The following MTIF3 variants were observed in gnomAD, a reference collection of about 807,000 sequenced individuals.
The protein encoded by MTIF3 is mitochondrial translational initiation factor 3.
MTIF3 carries 13 observed loss-of-function variants against 20.7 expected under a neutral mutation model. The observed-to-expected ratio is 0.63, with a 90% confidence interval of 0.41 to 1.00. The LOEUF is 1.00. Ranked by LOEUF, MTIF3 falls within the 50% of genes least tolerant of loss-of-function variation. The pLI is 0.00. For synonymous variants in MTIF3, 114 were observed against 112.5 expected (o/e 1.01, Z -0.08); for missense variants, 295 against 324.5 (o/e 0.91, Z 0.70).
intron 1 of MTIF3, among the ~76,000 whole-genome samples, chr13:27,448,478 T>C (rs1337585878): frequency 1.3e-5 from 2 of 152,170 alleles, no homozygotes; most frequent in East Asian, 1.9e-4. Flanking sequence ...GCAGCCTTAA[T>C]CCCAGAGGGC....
chr13:27,436,577 CAA>C (rs1169734539), intron 4 of MTIF3, among the ~76,000 whole-genome samples: 1 of 151,928 alleles, frequency 6.6e-6, no homozygotes, highest in South Asian at 2.1e-4. Flanking sequence ...ATTTATAAAA[CAA>C]TAGTATATTG....
At chr13:27,436,807 A>G (rs552699790) in intron 4 of MTIF3, among the ~76,000 whole-genome samples, 120 of 126,700 alleles carry the variant, frequency 9.5e-4, no homozygotes, top group African/African-American at 3.1e-3. Flanking sequence ...GCTGGAGTGC[A>G]GTGGCGCGAT....
chr13:27,450,137 C>G (rs1274322285), intron 1 of MTIF3: 1 of 152,286 alleles, frequency 6.6e-6, no homozygotes, highest in Non-Finnish European at 1.5e-5. Context: ...GGCGGCGACG[C>G]CCACCTGCAG....
intron 1 of MTIF3, among the ~76,000 whole-genome samples, chr13:27,449,356 C>A (rs1954279527): frequency 6.6e-6 from 1 of 152,234 alleles, no homozygotes; most frequent in Non-Finnish European, 1.5e-5. Context: ...TCCCACTGCA[C>A]TGCGGTCACT....
chr13:27,444,455 A>C (rs1954108746), intron 2 of MTIF3, among the ~76,000 whole-genome samples: 1 of 152,268 alleles, frequency 6.6e-6, no homozygotes, highest in Admixed American at 6.5e-5. Flanking sequence ...TACTAACTCA[A>C]TACTGGCTTT....
At chr13:27,438,332 A>AAG (rs1469075045) in intron 3 of MTIF3, among the ~76,000 whole-genome samples, 1 of 150,214 alleles carries the variant, frequency 6.7e-6, no homozygotes, top group African/African-American at 2.4e-5. Flanking sequence ...AAAAAAAAAA[A>AAG]AAAAAAAAAA....
At chr13:27,444,291 C>G (rs1490935876) in intron 2 of MTIF3, among the ~76,000 whole-genome samples, 4 of 150,652 alleles carry the variant, frequency 2.7e-5, no homozygotes, top group African/African-American at 7.3e-5. Context: ...GGCGACAGAG[C>G]GAGACTCTGT....
At position 27,437,171 on chromosome 13, in the gene MTIF3, A is replaced by C. The variant is rs1478508624; in HGVS notation, c.563T>G (p.Leu188Arg). 2.1e-5 allele frequency: 34 copies of C among 1,613,932 alleles called. No homozygotes were observed. Among genetic ancestry groups the C allele is most frequent in the Non-Finnish European group, 2.8e-5 (33 of 1,179,944 alleles). ...QIQQWIKKKH[L>R]VQITIKKGKN... Reference sequence around the variant, plus strand: ...TCCTTTCTTTATGGTAATCTGGACTAGGTGTTTTTTCTTAATCCACTGCTG... The same window carrying C: ...TCCTTTCTTTATGGTAATCTGGACTCGGTGTTTTTTCTTAATCCACTGCTG... Residue 188 changes from leucine to arginine, a missense_variant, in exon 4 of 5, where the codon CTA (leucine) becomes CGA (arginine). Transcript: ENST00000381120.
At chr13:27,446,016 G>A (rs959225755) in intron 1 of MTIF3, among the ~76,000 whole-genome samples, 8 of 151,968 alleles carry the variant, frequency 5.3e-5, no homozygotes, top group African/African-American at 1.9e-4. Flanking sequence ...TCTGAATAGG[G>A]ACTAGGTATT....
intron 1 of MTIF3, among the ~76,000 whole-genome samples, chr13:27,448,945 G>A (rs1954264775): frequency 6.6e-6 from 1 of 152,194 alleles, no homozygotes; most frequent in Admixed American, 6.5e-5. Context: ...GGAGGCTGAG[G>A]CAGGAGAATC....
chr13:27,440,302 T>C lies in MTIF3; in HGVS notation c.147A>G (p.Leu49=). 1 of 1,614,176 alleles carries C rather than the reference T, an allele frequency of 6.2e-7. No homozygotes were observed. Among genetic ancestry groups the C allele is most frequent in the South Asian group, 1.1e-5 (1 of 91,080 alleles). The part of the protein sequence containing the change: ...PIASAPRLSF[L]IHAKAFSTAE... ...CGGTACTAAAGGCTTTTGCATGAATTAGGAAGGAGAGTCTTGGGGCAGAAG... is the reference window on the plus strand; with the variant it reads ...CGGTACTAAAGGCTTTTGCATGAATCAGGAAGGAGAGTCTTGGGGCAGAAG... The change falls in exon 3 of 5, where the codon CTA becomes CTG. Residue 49 remains leucine, a synonymous_variant. Transcript: ENST00000381120.
At position 27,440,198 on chromosome 13, in the gene MTIF3, T is replaced by G. The variant is rs1953952755; in HGVS notation, c.251A>C (p.Gln84Pro). The G allele has an allele frequency of 2.5e-6, 4 of 1,614,120 alleles. No individual in the cohort carries two copies. Among genetic ancestry groups the G allele is most frequent in the Non-Finnish European group, 2.5e-6 (3 of 1,180,044 alleles). ...CTCATCAAATAAGTGAATAACTCGC[T>G]GACTAATTTTTCTTCCAACGTTACT... ...AFSNVGRKIS[Q>P]RVIHLFDEKG... The change falls in exon 3 of 5, where the codon CAG (glutamine) becomes CCG (proline). Residue 84 changes from glutamine (Q) to proline (P), a missense_variant. By Grantham distance (76) the Gln-to-Pro change is moderately conservative (BLOSUM62 -1). Transcript: ENST00000381120.
At chr13:27,446,601 A>ATTC (rs1954188117) in intron 1 of MTIF3, among the ~76,000 whole-genome samples, 1 of 152,260 alleles carries the variant, frequency 6.6e-6, no homozygotes, top group Non-Finnish European at 1.5e-5. Flanking sequence ...CAATGTAACT[A>ATTC]TTCTAGTCTG....
chr13:27,439,363 G>A (rs922232613), intron 3 of MTIF3, among the ~76,000 whole-genome samples: 1 of 152,220 alleles, frequency 6.6e-6, no homozygotes, highest in Non-Finnish European at 1.5e-5. Flanking sequence ...GGGCGTGGTG[G>A]CGGGCGCCTG....
intron 3 of MTIF3, among the ~76,000 whole-genome samples, chr13:27,438,349 G>C (rs573320615): frequency 6.8e-6 from 1 of 146,028 alleles, no homozygotes; most frequent in South Asian, 2.1e-4. Context: ...AAAAGGCCAG[G>C]CATGGTGGTG....
chr13:27,438,267 C>T (rs140269487), intron 3 of MTIF3, among the ~76,000 whole-genome samples: 1,519 of 127,766 alleles, frequency 0.012, 17 homozygotes, highest in Non-Finnish European at 0.015. Flanking sequence ...GCAGGCAGAT[C>T]GTTGGAGCTC....
chr13:27,440,495 C>T, intron 2 of MTIF3, 46 bp from the exon 3 acceptor site: 1 of 1,446,856 alleles, frequency 6.9e-7, no homozygotes, highest in Middle Eastern at 2.3e-4. Flanking sequence ...ATCACTTATT[C>T]CCTTGGTCTG....
chr13:27,438,648 A>G (rs1953884803), intron 3 of MTIF3, among the ~76,000 whole-genome samples: 1 of 151,984 alleles, frequency 6.6e-6, no homozygotes. Context: ...GGTTTGCACC[A>G]CTACACCTTG....
chr13:27,443,936 G>A (rs1488341396), intron 2 of MTIF3, among the ~76,000 whole-genome samples: 1 of 151,992 alleles, frequency 6.6e-6, no homozygotes, highest in Non-Finnish European at 1.5e-5. Flanking sequence ...TCAGAAAAAT[G>A]ACGTAGGTTT....
Sources: allele counts gnomAD v4.1 joint callset (sites outside exome capture counted in the v4.1 genomes callset), GRCh38; gene constraint gnomAD v4.1.1; transcripts MANE v1.5; gene names NCBI Gene and HGNC (gene_info 2026-07-23, HGNC 2026-07-21).